EPHA4: variants seen among roughly 807,000 people sequenced by gnomAD.
EPHA4 encodes EPH receptor A4, also known as ephrin type-A receptor 4.
EPHA4 carries 19 observed loss-of-function variants against 108.3 expected under a neutral mutation model. The ratio of observed to expected loss-of-function variants is 0.18; its 90% CI spans 0.12 to 0.26. The LOEUF (loss-of-function observed/expected upper bound fraction) is 0.26. Ranked by LOEUF, EPHA4 falls within the 10% of genes least tolerant of loss-of-function variation. The pLI is 1.00. For synonymous variants in EPHA4, 449 were observed against 455.5 expected (o/e 0.99, Z 0.18); for missense variants, 917 against 1,254.0 (o/e 0.73, Z 4.06).
intron 11 of EPHA4, among the ~76,000 whole-genome samples, chr2:221,441,211 T>G (rs1393279108): frequency 6.6e-6 from 1 of 150,792 alleles, no homozygotes. Flanking sequence ...TTTTTTTTTT[T>G]TTTAAGTAGA....
At chr2:221,548,682 A>T (rs758365962) in intron 3 of EPHA4, among the ~76,000 whole-genome samples, 31 of 152,332 alleles carry the variant, frequency 2.0e-4, no homozygotes, top group Middle Eastern at 6.8e-3. Flanking sequence ...AAATAAAAAT[A>T]AGAAAGAGAG....
At chr2:221,444,011 A>C (rs1690512367) in intron 9 of EPHA4, among the ~76,000 whole-genome samples, 1 of 152,264 alleles carries the variant, frequency 6.6e-6, no homozygotes, top group Non-Finnish European at 1.5e-5. Flanking sequence ...AATTTCAAAC[A>C]GCTCTTTCCA....
chr2:221,445,225 T>C (rs1050619229), intron 9 of EPHA4, among the ~76,000 whole-genome samples: 1 of 152,220 alleles, frequency 6.6e-6, no homozygotes, highest in Non-Finnish European at 1.5e-5. Flanking sequence ...AGTGCAGATA[T>C]AGAACAATGT....
chr2:221,463,585 T>C (rs1481678842), intron 5 of EPHA4, among the ~76,000 whole-genome samples: 1 of 152,216 alleles, frequency 6.6e-6, no homozygotes, highest in Non-Finnish European at 1.5e-5. Context: ...TTACAGGAGA[T>C]GCTTTGATGT....
chr2:221,501,311 G>T, intron 3 of EPHA4, 139 bp from the exon 4 acceptor site: 1 of 671,784 alleles, frequency 1.5e-6, no homozygotes, highest in East Asian at 3.1e-5. Flanking sequence ...TGAAATGCAG[G>T]TCATGCAACC....
At position 221,516,303 on chromosome 2, in the gene EPHA4, C is replaced by G. The variant is rs182536650; in HGVS notation, c.824-15131G>C. Among the ~76,000 whole-genome samples, 138 of 151,790 alleles carry G rather than the reference C, an allele frequency of 9.1e-4. 1 individual carries two copies. The highest frequency in any genetic ancestry group is 3.2e-3 in the African/African-American group (131 of 41,418). ...TAATTTAAAATATCTCTTTTTAATC[C>G]TCAAAAATTCCAAGTCTATACGGTT... On this transcript the variant is annotated intron_variant, in intron 3 of 17. Transcript: ENST00000281821.
At chr2:221,525,307 T>C (rs1693290007) in intron 3 of EPHA4, among the ~76,000 whole-genome samples, 1 of 152,134 alleles carries the variant, frequency 6.6e-6, no homozygotes, top group African/African-American at 2.4e-5. Flanking sequence ...GCACAACATG[T>C]AGATTAAGTT....
At chr2:221,458,984 A>T (rs1270241496) in intron 5 of EPHA4, among the ~76,000 whole-genome samples, 1 of 152,176 alleles carries the variant, frequency 6.6e-6, no homozygotes, top group Non-Finnish European at 1.5e-5. Flanking sequence ...AAAACTGGCC[A>T]CTGAGGAAGG....
intron 3 of EPHA4, among the ~76,000 whole-genome samples, chr2:221,561,242 AAAAT>A (rs61027528): frequency 0.017 from 2,520 of 151,056 alleles, 58 homozygotes; most frequent in African/African-American, 0.05. Flanking sequence ...ACTCCATCTC[AAAAT>A]AAATAAATAA....
chr2:221,508,808 T>C (rs1463448139), intron 3 of EPHA4, among the ~76,000 whole-genome samples: 3 of 152,124 alleles, frequency 2.0e-5, no homozygotes, highest in Non-Finnish European at 4.4e-5. Context: ...AATTACACCA[T>C]GAAATTCAAA....
chr2:221,478,733 T>C (rs1330067499), intron 5 of EPHA4, among the ~76,000 whole-genome samples: 1 of 147,632 alleles, frequency 6.8e-6, no homozygotes, highest in Non-Finnish European at 1.5e-5. Context: ...TCTATCTGCC[T>C]ATCTGCCTAT....
intron 11 of EPHA4, among the ~76,000 whole-genome samples, chr2:221,441,924 G>C (rs946697752): frequency 2.0e-5 from 3 of 152,188 alleles, no homozygotes; most frequent in Non-Finnish European, 4.4e-5. Context: ...ATTACACCCA[G>C]CATCAGTTTT....
At chr2:221,460,255 A>C (rs1691096977) in intron 5 of EPHA4, among the ~76,000 whole-genome samples, 2 of 152,198 alleles carry the variant, frequency 1.3e-5, no homozygotes, top group South Asian at 4.1e-4. Context: ...GAATAAGGAG[A>C]GACTGAAAGA....
At chr2:221,502,216 A>G (rs1346965766) in intron 3 of EPHA4, among the ~76,000 whole-genome samples, 2 of 152,058 alleles carry the variant, frequency 1.3e-5, no homozygotes, top group African/African-American at 4.8e-5. Flanking sequence ...TCCTTCCCCC[A>G]TGGCCTTTCA....
intron 4 of EPHA4, among the ~76,000 whole-genome samples, chr2:221,493,376 G>A (rs1467354652): frequency 6.6e-6 from 1 of 151,982 alleles, no homozygotes; most frequent in Non-Finnish European, 1.5e-5. Flanking sequence ...GAATTGAACA[G>A]AATAACAGGG....
In EPHA4 at chr2:221,501,149, C is replaced by A; in HGVS notation, c.847G>T (p.Ala283Ser). ...GCACAGGTGGCATCCGTGGAGAGAG[C>A]CTTGTAATATCCAATTTTGCAAGCT... ...CQACKIGYYK[A>S]LSTDATCAKC... is the part of the protein sequence containing the mutation. The change falls in exon 4 of 18, where the codon GCT becomes TCT. Residue 283 changes from alanine (A) to serine (S), a missense_variant. Physicochemically the swap from Ala to Ser is moderately conservative, Grantham distance 99. Coordinates refer to ENST00000281821, the MANE Select transcript of EPHA4 (RefSeq NM_004438.5). 1 of 1,606,430 alleles carries A rather than the reference C, an allele frequency of 6.2e-7. No individual in the cohort carries two copies. Among genetic ancestry groups the A allele is most frequent in the South Asian group, 1.1e-5 (1 of 89,684 alleles).
rs546548517 is a variant in EPHA4 at position 221,425,473 on chromosome 2, G to T, written c.*555C>A. 7 of 152,860 alleles carry T rather than the reference G, an allele frequency of 4.6e-5. No individual in the cohort carries two copies. The highest frequency in any genetic ancestry group is 1.7e-4 in the African/African-American group (7 of 41,558). The allele number at this position is 152,860 out of a possible 1,614,324, so 9.5% of individuals were successfully genotyped here. ...CTGTGTCATAGGAATCCACCAGGCG[G>T]CTTGAGCACTGAAGAGGCAACACTA... On this transcript the variant is annotated 3_prime_UTR_variant, in exon 17 of 18. Transcript: ENST00000281821.
chr2:221,434,065 C>A, intron 14 of EPHA4, 77 bp downstream of exon 14: 1 of 1,463,518 alleles, frequency 6.8e-7, no homozygotes, highest in Non-Finnish European at 9.2e-7. Flanking sequence ...AAACCCCGTG[C>A]CCACTCCATC....
At chr2:221,458,089 G>A in intron 5 of EPHA4, 99 bp from the exon 6 acceptor site, 1 of 1,460,746 alleles carries the variant, frequency 6.8e-7, no homozygotes, top group Admixed American at 2.0e-5. Context: ...AGAAAAGTGT[G>A]AAAGATTGTC....
Sources: gnomAD v4.1 joint callset for allele counts (sites outside exome capture counted in the v4.1 genomes callset) on GRCh38, gnomAD v4.1.1 for gene constraint, MANE v1.5 for transcripts, NCBI Gene and HGNC (gene_info 2026-07-23, HGNC 2026-07-21) for gene names.